The following FCHO2 variants were observed in gnomAD, a reference collection of about 807,000 sequenced individuals.
The protein encoded by FCHO2 is FCH and mu domain containing endocytic adaptor 2.
Under a neutral mutation model 114.1 loss-of-function variants are expected in FCHO2, and 43 were observed. The ratio of observed to expected loss-of-function variants is 0.38; its 90% confidence interval spans 0.30 to 0.49. FCHO2 has a LOEUF of 0.49. Ranked by LOEUF, FCHO2 falls within the 20% of genes least tolerant of loss-of-function variation. The pLI is 0.97. For missense variants in FCHO2, 807 were observed against 950.4 expected (o/e 0.85, Z 1.98); for synonymous variants, 293 against 315.2 (o/e 0.93, Z 0.75).
intron 2 of FCHO2, among the ~76,000 whole-genome samples, chr5:72,988,934 C>T (rs971565313): frequency 3.3e-5 from 5 of 152,130 alleles, no homozygotes; most frequent in African/African-American, 4.8e-5. Context: ...TGTGGCTGAG[C>T]GTGGTGGCTC....
intron 22 of FCHO2, among the ~76,000 whole-genome samples, chr5:73,079,704 C>A (rs1259414330): frequency 6.6e-6 from 1 of 152,166 alleles, no homozygotes; most frequent in African/African-American, 2.4e-5. Flanking sequence ...TACGAGGATT[C>A]TTTTTAACCA....
At chr5:72,974,683 G>A (rs186776823) in intron 2 of FCHO2, among the ~76,000 whole-genome samples, 75 of 152,060 alleles carry the variant, frequency 4.9e-4, no homozygotes, top group African/African-American at 1.8e-3. Flanking sequence ...TCTTTTAATT[G>A]GAGCATTTAG....
intron 14 of FCHO2, 97 bp downstream of exon 14, chr5:73,054,268 T>C: frequency 9.1e-7 from 1 of 1,102,656 alleles, no homozygotes; most frequent in Admixed American, 2.8e-5. Context: ...ATTTTTAGAT[T>C]AGCAAGTTTT....
At chr5:73,068,849 T>C in intron 19 of FCHO2, 70 bp downstream of exon 19, 1 of 1,449,658 alleles carries the variant, frequency 6.9e-7, no homozygotes, top group Non-Finnish European at 9.2e-7. Flanking sequence ...TATGTATATA[T>C]TTTTAAATGG....
chr5:73,054,323 G>T (rs7717484), intron 14 of FCHO2, among the ~76,000 whole-genome samples, 152 bp downstream of exon 14: 1 of 151,958 alleles, frequency 6.6e-6, no homozygotes, highest in South Asian at 2.1e-4. Flanking sequence ...AAAACATTAG[G>T]TGTTAAAACT....
chr5:73,034,834 A>C (rs1305090018), intron 9 of FCHO2, 133 bp downstream of exon 9: 8 of 632,378 alleles, frequency 1.3e-5, no homozygotes, highest in Non-Finnish European at 1.2e-5. Flanking sequence ...TAAAAATCTG[A>C]AATTAGTTTG....
At chr5:73,005,441 A>G (rs1293592094) in intron 5 of FCHO2, among the ~76,000 whole-genome samples, 2 of 152,016 alleles carry the variant, frequency 1.3e-5, no homozygotes, top group Non-Finnish European at 2.9e-5. Context: ...TGTTCTCCTT[A>G]AGCTCCCAAC....
Position 73,087,602 on chromosome 5 carries a change from C to T in FCHO2, c.2259C>T (p.Leu753=), listed in dbSNP as rs771921990. The T allele has an allele frequency of 7.4e-6, 12 of 1,613,646 alleles. No homozygotes were observed. The highest frequency in any genetic ancestry group is 1.1e-5 in the South Asian group (1 of 91,078). The change falls in exon 25 of 26, where the codon CTC becomes CTT. Residue 753 remains leucine (L), a synonymous_variant. Coordinates refer to ENST00000430046, the MANE Select transcript of FCHO2 (RefSeq NM_138782.3). Reference sequence around the variant, plus strand: ...TTTTCTTTGTAGGTTCTGGGTCCCTCCGAGCAAAATTTGATCTTTCAGAAG... The same window carrying T: ...TTTTCTTTGTAGGTTCTGGGTCCCTTCGAGCAAAATTTGATCTTTCAGAAG... ...EKSENGGSGS[L]RAKFDLSEGP...
At chr5:73,053,550 C>A (rs2112840330) in intron 13 of FCHO2, among the ~76,000 whole-genome samples, 2 of 152,150 alleles carry the variant, frequency 1.3e-5, no homozygotes, top group East Asian at 3.9e-4. Flanking sequence ...AAAAAATTAG[C>A]CGGTCGTGGT....
intron 2 of FCHO2, among the ~76,000 whole-genome samples, chr5:72,981,063 T>C (rs897781778): frequency 2.0e-5 from 3 of 152,200 alleles, no homozygotes; most frequent in Non-Finnish European, 4.4e-5. Flanking sequence ...ATTTGGTATG[T>C]TTTTGCAGTT....
intron 19 of FCHO2, 64 bp downstream of exon 19, chr5:73,068,843 T>TA: frequency 6.8e-7 from 1 of 1,480,556 alleles, no homozygotes; most frequent in Non-Finnish European, 9.0e-7. Context: ...GCTAAATATG[T>TA]ATATATTTTT....
Position 73,077,419 on chromosome 5 carries a change from A to C in FCHO2, c.1773A>C (p.Pro591=), listed in dbSNP as rs1561496350. Residue 591 remains proline (P), a synonymous_variant, in exon 21 of 26, where the codon CCA becomes CCC. Transcript: ENST00000430046. ...AAGTCTTCACCAGCAATCCAACTCC[A>C]GCTGTGTTGTGCTTCAGGGTGAAAA... ...IIKVFTSNPT[P]AVLCFRVKNI... 1 of 1,598,082 alleles carries C rather than the reference A, an allele frequency of 6.3e-7. No individual in the cohort carries two copies. Among genetic ancestry groups the C allele is most frequent in the Non-Finnish European group, 8.5e-7 (1 of 1,171,768 alleles).
At chr5:72,981,056 T>C (rs9986276) in intron 2 of FCHO2, among the ~76,000 whole-genome samples, 14 of 152,328 alleles carry the variant, frequency 9.2e-5, no homozygotes, top group Admixed American at 2.0e-4. Context: ...CTTTACAATT[T>C]GGTATGTTTT....
chr5:73,052,569 T>C (rs1396937237), intron 13 of FCHO2, 62 bp downstream of exon 13: 1 of 1,334,888 alleles, frequency 7.5e-7, no homozygotes, highest in Non-Finnish European at 1.0e-6. Context: ...CCTACCTGTG[T>C]CTGGTCAAAC....
rs1374178208 is a variant in FCHO2 at position 73,056,066 on chromosome 5, TGAG to T, written c.1216_1218del (p.Glu406del). 4 of 1,509,388 alleles carry T rather than the reference TGAG, an allele frequency of 2.7e-6. No homozygotes were observed. The highest frequency in any genetic ancestry group is 3.6e-6 in the Non-Finnish European group (4 of 1,126,238). 93.5% of individuals were successfully genotyped at this position (1,509,388 alleles called of 1,614,324 possible). A position where few individuals can be genotyped will look rare whatever the true frequency, so the allele number is the denominator to read the frequency against. On this transcript the variant is annotated inframe_deletion and splice_region_variant, in exon 16 of 26. Transcript: ENST00000430046. ...TTCATATTTTAATTTTTTAATTAGA[TGAG>T]GAGTTAACAAAATCAAAGCCATCTG...
intron 1 of FCHO2, among the ~76,000 whole-genome samples, chr5:72,960,334 C>T (rs1751788118): frequency 1.3e-5 from 2 of 152,174 alleles, no homozygotes; most frequent in South Asian, 4.1e-4. Flanking sequence ...AAACCTTTTA[C>T]AGAACAGGTG....
intron 15 of FCHO2, among the ~76,000 whole-genome samples, chr5:73,055,335 A>C (rs1336327691): frequency 1.3e-5 from 2 of 152,202 alleles, no homozygotes; most frequent in African/African-American, 4.8e-5. Context: ...AGCCAAGTGA[A>C]GAATGTAGAG....
At chr5:73,034,769 A>AAG in intron 9 of FCHO2, 68 bp downstream of exon 9, 1 of 1,264,906 alleles carries the variant, frequency 7.9e-7, no homozygotes, top group Non-Finnish European at 1.1e-6. Context: ...TCATTGAACA[A>AAG]ATAAGGAGGG....
chr5:72,967,919 C>T (rs1025515698), intron 1 of FCHO2, among the ~76,000 whole-genome samples: 20 of 151,418 alleles, frequency 1.3e-4, no homozygotes, highest in East Asian at 7.8e-4. Flanking sequence ...CACGCCTGGC[C>T]TCATACTTAA....
Sources: allele counts gnomAD v4.1 joint callset (sites outside exome capture counted in the v4.1 genomes callset), GRCh38; gene constraint gnomAD v4.1.1; transcripts MANE v1.5; gene names NCBI Gene and HGNC (gene_info 2026-07-23, HGNC 2026-07-21).